ROR1: variants seen among roughly 807,000 people sequenced by gnomAD.
The protein encoded by ROR1 is inactive tyrosine-protein kinase transmembrane receptor ROR1.
ROR1 carries 19 observed loss-of-function variants against 78.8 expected under a neutral mutation model. That is an observed-to-expected ratio of 0.24 (90% CI 0.17 to 0.35). The LOEUF (loss-of-function observed/expected upper bound fraction) is 0.35, where lower values mean the gene tolerates loss of function less well. Ranked by LOEUF, ROR1 falls within the 10% of genes least tolerant of loss-of-function variation. The probability of loss-of-function intolerance (pLI) is 1.00; values close to 1 mark genes in which losing one functional copy is unlikely to be tolerated. For missense variants in ROR1, 917 were observed against 1,177.8 expected, an observed-to-expected ratio of 0.78 and a Z score of 3.24; for synonymous variants, 386 against 433.6, an observed-to-expected ratio of 0.89 and a Z score of 1.36.
In ROR1 at chr1:64,055,040, C is replaced by T. The variant is rs184115067; in HGVS notation, c.482+4324C>T. 7.0e-4 allele frequency among the ~76,000 whole-genome samples: 107 copies of T among 152,242 alleles called. 1 individual carries two copies. The highest frequency in any genetic ancestry group is 4.2e-3 in the South Asian group (20 of 4,816). Reference sequence around the variant, plus strand: ...CATACTGTATTGGGATCCACCGTGACGACCTCATTTTAACTTGATTACCTC... The same window carrying T: ...CATACTGTATTGGGATCCACCGTGATGACCTCATTTTAACTTGATTACCTC... On this transcript the variant is annotated intron_variant, in intron 4 of 8. Coordinates refer to ENST00000371079, the MANE Select transcript of ROR1 (RefSeq NM_005012.4).
intron 1 of ROR1, among the ~76,000 whole-genome samples, chr1:64,002,131 C>CTT (rs34252630): frequency 9.8e-4 from 104 of 105,948 alleles, no homozygotes; most frequent in African/African-American, 3.0e-3. Flanking sequence ...CCAGTTCAAC[C>CTT]TTTTTTTTTT....
chr1:63,994,657 A>C (rs1447203450), intron 1 of ROR1, among the ~76,000 whole-genome samples: 1 of 152,212 alleles, frequency 6.6e-6, no homozygotes, highest in Non-Finnish European at 1.5e-5. Flanking sequence ...GAGAGGTAGT[A>C]AAGTGAAACT....
intron 1 of ROR1, among the ~76,000 whole-genome samples, chr1:63,957,637 A>G (rs1038427527): frequency 7.9e-5 from 12 of 152,152 alleles, no homozygotes; most frequent in Non-Finnish European, 1.5e-5. Context: ...GAAGTCTGTC[A>G]GTCTGTCTGT....
intron 8 of ROR1, among the ~76,000 whole-genome samples, chr1:64,161,287 A>G (rs1194265361): frequency 6.6e-6 from 1 of 152,244 alleles, no homozygotes; most frequent in East Asian, 1.9e-4. Context: ...TAAAATGTGA[A>G]TACAGGATCT....
chr1:63,815,484 C>CT (rs34749985), intron 1 of ROR1, among the ~76,000 whole-genome samples: 1,405 of 85,226 alleles, frequency 0.016, 21 homozygotes, highest in East Asian at 0.027. Flanking sequence ...TTTTCTTTTT[C>CT]TTTTTTTTTT....
intron 1 of ROR1, among the ~76,000 whole-genome samples, chr1:63,967,974 A>G (rs1646088982): frequency 1.3e-5 from 2 of 152,200 alleles, no homozygotes; most frequent in African/African-American, 4.8e-5. Flanking sequence ...TCTTCTTACA[A>G]TAGATACACA....
chr1:64,173,209 C>T (rs191305196), intron 8 of ROR1, among the ~76,000 whole-genome samples: 42 of 152,236 alleles, frequency 2.8e-4, no homozygotes, highest in Admixed American at 2.4e-3. Flanking sequence ...TGGACTCTGC[C>T]ATTTTAGATG....
intron 1 of ROR1, among the ~76,000 whole-genome samples, chr1:63,813,324 C>G (rs555186424): frequency 6.6e-6 from 1 of 152,318 alleles, no homozygotes; most frequent in African/African-American, 2.4e-5. Flanking sequence ...ATGCTGCCTT[C>G]TCCCAGAAAC....
At position 64,178,199 on chromosome 1, in the gene ROR1, A is replaced by G; in HGVS notation, c.2158A>G (p.Arg720Gly). Residue 720 changes from arginine (R) to glycine (G), a missense_variant, in exon 9 of 9, where the codon AGA (arginine) becomes GGA (glycine). Arg to Gly is a moderately radical substitution (Grantham distance 125). Transcript: ENST00000371079. This position sits in a 1 kb window ranked among gnomAD's most constrained non-coding sequence, Gnocchi z 4.3. ...LLPCSEDCPP[R>G]MYSLMTECWN... ...ACCATGCTCTGAAGACTGCCCACCC[A>G]GAATGTACAGCCTCATGACAGAGTG... 1 of 1,614,136 alleles carries G rather than the reference A, an allele frequency of 6.2e-7. No individual in the cohort carries two copies. Among genetic ancestry groups the G allele is most frequent in the South Asian group, 1.1e-5 (1 of 91,072 alleles).
chr1:63,809,055 T>C (rs1175871963), intron 1 of ROR1, among the ~76,000 whole-genome samples: 1 of 152,214 alleles, frequency 6.6e-6, no homozygotes, highest in Non-Finnish European at 1.5e-5. Context: ...TGGATGTTGA[T>C]GCTGAGGCCA....
At chr1:63,898,882 A>G (rs1645463476) in intron 1 of ROR1, among the ~76,000 whole-genome samples, 1 of 152,072 alleles carries the variant, frequency 6.6e-6, no homozygotes. Context: ...AATTTCTGCA[A>G]CTTTATGATC....
intron 8 of ROR1, among the ~76,000 whole-genome samples, chr1:64,160,348 A>G (rs889594562): frequency 3.9e-5 from 6 of 151,924 alleles, no homozygotes; most frequent in Non-Finnish European, 8.8e-5. Context: ...TTGCTATTAT[A>G]AAGTCATATT....
intron 1 of ROR1, among the ~76,000 whole-genome samples, chr1:63,939,981 G>C (rs925500816): frequency 2.0e-5 from 3 of 152,120 alleles, no homozygotes; most frequent in Non-Finnish European, 4.4e-5. Flanking sequence ...AGTGGGAAGG[G>C]AGGAAGTTAG....
At chr1:63,830,919 A>C (rs1644984206) in intron 1 of ROR1, among the ~76,000 whole-genome samples, 1 of 152,344 alleles carries the variant, frequency 6.6e-6, no homozygotes, top group Middle Eastern at 3.4e-3. Flanking sequence ...CGAATAGGAG[A>C]AATTGGTCAA....
intron 1 of ROR1, among the ~76,000 whole-genome samples, chr1:63,850,997 T>G (rs550002116): frequency 2.4e-4 from 36 of 152,286 alleles, no homozygotes; most frequent in African/African-American, 8.7e-4. Flanking sequence ...GTTTGTTTGT[T>G]TGAGACAGAA....
Position 63,787,608 on chromosome 1 carries a change from C to T in ROR1, c.91+13100C>T, listed in dbSNP as rs139132403. On this transcript the variant is annotated intron_variant, in intron 1 of 8. Transcript: ENST00000371079. Reference sequence around the variant, plus strand: ...ATGGTGCGATCTCAGCTCACTACAACCTCCGCCTCCCAGGTTCAAGCAATT... The same window carrying T: ...ATGGTGCGATCTCAGCTCACTACAATCTCCGCCTCCCAGGTTCAAGCAATT... Among the ~76,000 whole-genome samples, 377 of 151,846 alleles carry T rather than the reference C, an allele frequency of 2.5e-3. 1 individual carries two copies. Among genetic ancestry groups the T allele is most frequent in the African/African-American group, 8.3e-3 (344 of 41,374 alleles).
intron 2 of ROR1, among the ~76,000 whole-genome samples, chr1:64,018,467 C>T (rs1265589647): frequency 6.6e-6 from 1 of 152,206 alleles, no homozygotes; most frequent in Non-Finnish European, 1.5e-5. Flanking sequence ...CTGACTCCAC[C>T]TTCTCCCACT....
At position 63,811,053 on chromosome 1, in the gene ROR1, T is replaced by C. The variant is rs148233179; in HGVS notation, c.91+36545T>C. ...TGACCCTAAGAGAGACAGGAAGTAG[T>C]GAGAGGATACAGACCCAACCGACTG... On this transcript the variant is annotated intron_variant, in intron 1 of 8. Transcript: ENST00000371079. Among the ~76,000 whole-genome samples, 31 of 152,194 alleles carry C rather than the reference T, an allele frequency of 2.0e-4. No individual in the cohort carries two copies. In the East Asian group the frequency reaches 5.4e-3, roughly 27 times the overall value.
chr1:64,050,654 C>T (rs1646821243), intron 3 of ROR1, 32 bp from the exon 4 acceptor site: 2 of 1,609,316 alleles, frequency 1.2e-6, no homozygotes, highest in South Asian at 1.1e-5. Flanking sequence ...CCTAGACTGA[C>T]TGTTTCTTTT....
Sources: allele counts gnomAD v4.1 joint callset (sites outside exome capture counted in the v4.1 genomes callset), GRCh38; gene constraint gnomAD v4.1.1; non-coding constraint Gnocchi (gnomAD v3.1); transcripts MANE v1.5; gene names NCBI Gene and HGNC (gene_info 2026-07-23, HGNC 2026-07-21).